ZNF680: variants seen among roughly 807,000 people sequenced by gnomAD.
ZNF680 encodes zinc finger protein 680, also known as hypothetical protein FLJ90430.
ZNF680 carries 6 observed loss-of-function variants against 12.1 expected under a neutral mutation model. That is an observed-to-expected ratio of 0.49 (90% CI 0.27 to 0.98). The LOEUF (loss-of-function observed/expected upper bound fraction) is 0.98, where lower values mean the gene tolerates loss of function less well. Ranked by LOEUF, ZNF680 falls within the 50% of genes least tolerant of loss-of-function variation. The probability of loss-of-function intolerance (pLI) is 0.12; values close to 1 mark genes in which losing one functional copy is unlikely to be tolerated. For synonymous variants in ZNF680, 170 were observed against 199.3 expected (o/e 0.85, Z 1.24); for missense variants, 561 against 616.3 (o/e 0.91, Z 0.95).
chr7:64,499,603 A>C, the ZNF680 span, among the ~76,000 whole-genome samples: 1 of 152,112 alleles, frequency 6.6e-6, no homozygotes, highest in Non-Finnish European at 1.5e-5. Context: ...CAAAAACACA[A>C]AAAATTAACC....
At chr7:64,501,194 A>G in the ZNF680 span, 1 of 867,490 alleles carries the variant, frequency 1.2e-6, no homozygotes, top group Admixed American at 1.7e-5. Context: ...CTTGACTTGG[A>G]CTATGACTTT....
chr7:64,532,206 G>T (rs1159362464), intron 3 of ZNF680, among the ~76,000 whole-genome samples: 1 of 151,934 alleles, frequency 6.6e-6, no homozygotes, highest in East Asian at 1.9e-4. Context: ...TCGGGAGGCT[G>T]AGGCAGGAGA....
In ZNF680 at chr7:64,560,889, A is replaced by G. The variant is rs544332234; in HGVS notation, c.30+2036T>C. On this transcript the variant is annotated intron_variant, in intron 1 of 3. Transcript: ENST00000309683. ...CTCAGTCTGGAAAACAAAATAGTAAATGAGAATTTTTAACAAATGGAATAT... is the reference window on the plus strand; with the variant it reads ...CTCAGTCTGGAAAACAAAATAGTAAGTGAGAATTTTTAACAAATGGAATAT... The G allele has an allele frequency of 2.0e-5, 3 of 152,318 alleles. No individual in the cohort carries two copies. The East Asian group carries it at 5.8e-4, about 29-fold the overall frequency. 9.4% of individuals were successfully genotyped at this position (152,318 alleles called of 1,614,324 possible). A position where few individuals can be genotyped will look rare whatever the true frequency, so the allele number is the denominator to read the frequency against.
At chr7:64,533,677 T>C (rs897247989) in intron 3 of ZNF680, among the ~76,000 whole-genome samples, 1 of 144,866 alleles carries the variant, frequency 6.9e-6, no homozygotes, top group Non-Finnish European at 1.5e-5. Context: ...TTCTAAAATG[T>C]ATACAGAACG....
At position 64,521,907 on chromosome 7, in the gene ZNF680, T is replaced by C; in HGVS notation, c.847A>G (p.Lys283Glu). 1 of 1,613,240 alleles carries C rather than the reference T, an allele frequency of 6.2e-7. No homozygotes were observed. Among genetic ancestry groups the C allele is most frequent in the Non-Finnish European group, 8.5e-7 (1 of 1,179,642 alleles). ...TCTCCAGTATGAATTATCTTATGTT[T>C]ACTAAGGATTGAGAATAAACTAAAG... ...KAFSLFSILS[K>E]HKIIHTGDKP... The change falls in exon 4 of 4, where the codon AAA (lysine) becomes GAA (glutamate). Residue 283 changes from lysine (K) to glutamate (E), a missense_variant. Physicochemically the swap from Lys to Glu is moderately conservative, Grantham distance 56. Transcript: ENST00000309683.
rs1390243599 is a variant in ZNF680 at position 64,520,717 on chromosome 7, C to T, written c.*444G>A. 1 of 152,654 alleles carries T rather than the reference C, an allele frequency of 6.6e-6. No individual in the cohort carries two copies. The highest frequency in any genetic ancestry group is 1.9e-4 in the East Asian group (1 of 5,210). The allele number at this position is 152,654 out of a possible 1,614,324, so 9.5% of individuals were successfully genotyped here. A position where few individuals can be genotyped will look rare whatever the true frequency, so the allele number is the denominator to read the frequency against. On this transcript the variant is annotated 3_prime_UTR_variant, in exon 4 of 4. Transcript: ENST00000309683. The stretch of plus-strand genomic sequence containing the variant: ...ACTGCTTCAGTGTTTTTCTCTAGTA[C>T]AAAATGCGTACAATAAGATTTGTAA...
At chr7:64,550,467 T>C (rs1787016697) in intron 1 of ZNF680, among the ~76,000 whole-genome samples, 1 of 152,200 alleles carries the variant, frequency 6.6e-6, no homozygotes, top group African/African-American at 2.4e-5. Flanking sequence ...ATTCAGAATC[T>C]GGAGCTGCAG....
At chr7:64,512,260 C>T in the ZNF680 span, among the ~76,000 whole-genome samples, 1 of 151,434 alleles carries the variant, frequency 6.6e-6, no homozygotes, top group Non-Finnish European at 1.5e-5. Flanking sequence ...TCATCCTGGC[C>T]AAGATGGTGA....
chr7:64,543,453 T>A (rs1394337778), intron 3 of ZNF680, among the ~76,000 whole-genome samples: 1 of 152,194 alleles, frequency 6.6e-6, no homozygotes, highest in Non-Finnish European at 1.5e-5. Flanking sequence ...CAGTCTCTTA[T>A]AAGCCATAAA....
At chr7:64,553,124 C>CA (rs575545282) in intron 1 of ZNF680, among the ~76,000 whole-genome samples, 36,034 of 119,610 alleles carry the variant, frequency 0.3, 4,984 homozygotes, top group East Asian at 0.4. Context: ...CACTCTATCT[C>CA]AAAAAAAAAA....
At chr7:64,529,835 G>A (rs957075985) in intron 3 of ZNF680, among the ~76,000 whole-genome samples, 1 of 152,088 alleles carries the variant, frequency 6.6e-6, no homozygotes, top group Non-Finnish European at 1.5e-5. Context: ...TATCACCTAG[G>A]CACACTGCCA....
At chr7:64,556,756 T>A (rs1787435899) in intron 1 of ZNF680, among the ~76,000 whole-genome samples, 1 of 152,168 alleles carries the variant, frequency 6.6e-6, no homozygotes, top group Admixed American at 6.5e-5. Flanking sequence ...GGCAAAGATT[T>A]TATGATGAAG....
chr7:64,515,278 C>T (rs1456008548), downstream of ZNF680, among the ~76,000 whole-genome samples: 6 of 91,266 alleles, frequency 6.6e-5, no homozygotes, highest in African/African-American at 1.9e-4. Context: ...ATCAGTGCAA[C>T]ACACACACAT....
chr7:64,546,850 C>T (rs73130769), intron 1 of ZNF680, among the ~76,000 whole-genome samples: 1 of 151,900 alleles, frequency 6.6e-6, no homozygotes, highest in African/African-American at 2.4e-5. Flanking sequence ...CCTGTCTCTA[C>T]CAAACCCGAA....
At chr7:64,548,646 C>T (rs775213340) in intron 1 of ZNF680, among the ~76,000 whole-genome samples, 2 of 152,116 alleles carry the variant, frequency 1.3e-5, no homozygotes, top group African/African-American at 2.4e-5. Context: ...TGCAGACTGA[C>T]TCATTTGTCT....
the ZNF680 span, among the ~76,000 whole-genome samples, chr7:64,514,773 G>A: frequency 1.3e-5 from 2 of 152,196 alleles, no homozygotes; most frequent in Non-Finnish European, 2.9e-5. Flanking sequence ...GCTGGGTGTG[G>A]TGGCTCATGC....
the ZNF680 span, among the ~76,000 whole-genome samples, chr7:64,510,422 C>T: frequency 6.6e-6 from 1 of 151,538 alleles, no homozygotes; most frequent in African/African-American, 2.4e-5. Flanking sequence ...ATAAAAAAAA[C>T]AGGTTTATTA....
chr7:64,530,857 CA>C (rs202058162), intron 3 of ZNF680, among the ~76,000 whole-genome samples: 18 of 133,444 alleles, frequency 1.3e-4, no homozygotes, highest in South Asian at 4.7e-4. Flanking sequence ...GACTCCATCT[CA>C]AAAAAAAAAA....
intron 3 of ZNF680, among the ~76,000 whole-genome samples, chr7:64,524,306 C>T (rs1215988794): frequency 6.6e-6 from 1 of 151,970 alleles, no homozygotes; most frequent in African/African-American, 2.4e-5. Flanking sequence ...CACCACCATA[C>T]CCAGCTAATT....
Sources: allele counts gnomAD v4.1 joint callset (sites outside exome capture counted in the v4.1 genomes callset), GRCh38; gene constraint gnomAD v4.1.1; transcripts MANE v1.5; gene names NCBI Gene and HGNC (gene_info 2026-07-23, HGNC 2026-07-21).